C12orf42: variants seen among roughly 807,000 people sequenced by gnomAD.
C12orf42 encodes the protein chromosome 12 open reading frame 42.
A neutral mutation model predicts 21.6 loss-of-function variants in C12orf42; 25 were observed. The observed-to-expected ratio is 1.16, with a 90% CI of 0.84 to 1.62. C12orf42 has a LOEUF of 1.62. C12orf42 is among the 40% of genes most tolerant of loss of function. The pLI, the probability that C12orf42 is intolerant of heterozygous loss-of-function variation, is 0.00. For missense variants in C12orf42, 483 were observed against 459.3 expected, an observed-to-expected ratio of 1.05 and a Z score of -0.47; for synonymous variants, 174 against 175.0, an observed-to-expected ratio of 0.99 and a Z score of 0.05.
chr12:103,524,360 G>A, the C12orf42 span, among the ~76,000 whole-genome samples: 1 of 152,142 alleles, frequency 6.6e-6, no homozygotes, highest in Non-Finnish European at 1.5e-5. Context: ...ATCGTTTCCA[G>A]CCACGCTGCC....
the C12orf42 span, among the ~76,000 whole-genome samples, chr12:103,195,701 A>G: frequency 1.3e-5 from 2 of 151,992 alleles, no homozygotes; most frequent in Admixed American, 1.3e-4. Context: ...TGTCAGATGT[A>G]TGGTTTGCAA....
chr12:103,255,308 G>T (rs2034507977), intron 10 of C12orf42, among the ~76,000 whole-genome samples: 1 of 152,098 alleles, frequency 6.6e-6, no homozygotes. Flanking sequence ...GGAGGCAGAG[G>T]TTGTAGTAAG....
At chr12:103,196,127 T>A in the C12orf42 span, among the ~76,000 whole-genome samples, 1 of 152,180 alleles carries the variant, frequency 6.6e-6, no homozygotes, top group African/African-American at 2.4e-5. Context: ...TTTGTTATGT[T>A]GTAACTTTGT....
At chr12:103,107,275 A>T in the C12orf42 span, among the ~76,000 whole-genome samples, 1 of 151,966 alleles carries the variant, frequency 6.6e-6, no homozygotes, top group South Asian at 2.1e-4. Context: ...GATTAACTAT[A>T]TATGTTACAC....
the C12orf42 span, among the ~76,000 whole-genome samples, chr12:103,082,626 A>G: frequency 6.6e-6 from 1 of 152,260 alleles, no homozygotes; most frequent in African/African-American, 2.4e-5. Flanking sequence ...GCACACCAAC[A>G]TGGCACATGT....
At chr12:103,256,251 A>G (rs2034613141) in intron 10 of C12orf42, among the ~76,000 whole-genome samples, 1 of 148,922 alleles carries the variant, frequency 6.7e-6, no homozygotes, top group African/African-American at 2.5e-5. Flanking sequence ...TTTAAATCCA[A>G]TTTAGAGATT....
At chr12:103,542,697 C>T in the C12orf42 span, among the ~76,000 whole-genome samples, 11 of 152,224 alleles carry the variant, frequency 7.2e-5, no homozygotes, top group Non-Finnish European at 1.3e-4. Flanking sequence ...AGAATTACAT[C>T]CCCTTCAAGA....
the C12orf42 span, among the ~76,000 whole-genome samples, chr12:103,131,902 G>A: frequency 7.9e-5 from 12 of 152,224 alleles, no homozygotes; most frequent in South Asian, 2.3e-3. Flanking sequence ...TGTTACTGAT[G>A]GTAGTGGTAG....
At chr12:103,180,448 A>C in the C12orf42 span, among the ~76,000 whole-genome samples, 4 of 152,016 alleles carry the variant, frequency 2.6e-5, no homozygotes, top group Non-Finnish European at 5.9e-5. Flanking sequence ...AGTTTGGAGC[A>C]ATATTTGCAC....
intron 2 of C12orf42, among the ~76,000 whole-genome samples, chr12:103,448,045 T>C (rs1565844413): frequency 6.6e-6 from 1 of 151,986 alleles, no homozygotes; most frequent in African/African-American, 2.4e-5. Flanking sequence ...CGTCAAACTA[T>C]ACTATAATGC....
At chr12:103,517,226 C>A in the C12orf42 span, among the ~76,000 whole-genome samples, 1 of 152,118 alleles carries the variant, frequency 6.6e-6, no homozygotes, top group Non-Finnish European at 1.5e-5. Context: ...TACATCCAAG[C>A]CTGTATACTT....
the C12orf42 span, among the ~76,000 whole-genome samples, chr12:103,225,593 A>G: frequency 6.6e-6 from 1 of 152,018 alleles, no homozygotes; most frequent in Non-Finnish European, 1.5e-5. Context: ...GCAATGAGAT[A>G]TAGCTGTAGT....
intron 1 of C12orf42, among the ~76,000 whole-genome samples, chr12:103,494,754 G>C (rs573966683): frequency 1.3e-5 from 2 of 152,108 alleles, no homozygotes; most frequent in East Asian, 1.9e-4. Flanking sequence ...TGTGAATAGT[G>C]CCTAGCAGTT....
chr12:103,433,747 T>C (rs1592784962), intron 2 of C12orf42, among the ~76,000 whole-genome samples: 1 of 152,336 alleles, frequency 6.6e-6, no homozygotes, highest in East Asian at 1.9e-4. Flanking sequence ...CTTGTTCAGA[T>C]TGTGACTCAA....
At chr12:103,430,170 C>G (rs747457296) in intron 2 of C12orf42, among the ~76,000 whole-genome samples, 2 of 152,186 alleles carry the variant, frequency 1.3e-5, no homozygotes, top group Non-Finnish European at 2.9e-5. Context: ...TCAGAGTGAA[C>G]AGGCAACTTA....
rs761446332 is a variant in C12orf42, at chr12:103,302,403, C to CG, written c.787_788insC (p.Ser263ThrfsTer90). 6.2e-7 allele frequency: 1 copy of CG among 1,613,900 alleles called. No individual in the cohort carries two copies. The highest frequency in any genetic ancestry group is 8.5e-7 in the Non-Finnish European group (1 of 1,179,854). Reference sequence around the variant, plus strand: ...ATTTCCGGACGCGCCCAGGAGTCTGCTTTGGATGTCGTCGGGGTGTGCCTG... The same window carrying CG: ...ATTTCCGGACGCGCCCAGGAGTCTGCGTTTGGATGTCGTCGGGGTGTGCCTG... On this transcript the variant is annotated frameshift_variant, in exon 6 of 6. Coordinates refer to ENST00000548883, the MANE Select transcript of C12orf42 (RefSeq NM_198521.5). LOFTEE classifies it low-confidence loss of function (END_TRUNC).
chr12:103,488,374 T>G (rs899643542), intron 1 of C12orf42, among the ~76,000 whole-genome samples: 5 of 152,182 alleles, frequency 3.3e-5, no homozygotes, highest in African/African-American at 9.7e-5. Flanking sequence ...CTCTCTGGCT[T>G]CCCTTAACAT....
intron 2 of C12orf42, among the ~76,000 whole-genome samples, chr12:103,403,391 A>AG (rs1007915933): frequency 1.3e-5 from 2 of 150,276 alleles, no homozygotes; most frequent in Non-Finnish European, 3.0e-5. Flanking sequence ...AAAAAAAAAA[A>AG]GAAAAAGGAT....
At chr12:103,527,472 T>G in the C12orf42 span, among the ~76,000 whole-genome samples, 1 of 152,208 alleles carries the variant, frequency 6.6e-6, no homozygotes, top group East Asian at 1.9e-4. Flanking sequence ...GTCAACATTA[T>G]AGAGCTTCTA....
Sources: gnomAD v4.1 joint callset for allele counts (sites outside exome capture counted in the v4.1 genomes callset) on GRCh38, gnomAD v4.1.1 for gene constraint, MANE v1.5 for transcripts, NCBI Gene and HGNC (gene_info 2026-07-23, HGNC 2026-07-21) for gene names.